Variants in KCTD9 observed in about 807,000 individuals in gnomAD.
KCTD9 encodes potassium channel tetramerization domain containing 9.
In KCTD9, 17 loss-of-function variants were observed where a neutral mutation model predicts 53.3. That is an observed-to-expected ratio of 0.32 (90% confidence interval 0.22 to 0.48). KCTD9 has a LOEUF of 0.48. Ranked by LOEUF, KCTD9 falls within the 20% of genes least tolerant of loss-of-function variation. KCTD9 has a pLI of 0.99. For synonymous variants in KCTD9, 128 were observed against 162.7 expected (o/e 0.79, Z 1.62); for missense variants, 179 against 465.5 (o/e 0.38, Z 5.66).
chr8:25,458,160 C>A (rs1238409854), intron 1 of KCTD9, 39 bp downstream of exon 1: 1 of 1,531,680 alleles, frequency 6.5e-7, no homozygotes, highest in Non-Finnish European at 8.9e-7. Context: ...GCCCTCGCCC[C>A]GACCCCCGGC....
chr8:25,443,497 T>C (rs1387072324), intron 3 of KCTD9, among the ~76,000 whole-genome samples: 1 of 152,176 alleles, frequency 6.6e-6, no homozygotes, highest in East Asian at 1.9e-4. Context: ...GATCATTTTT[T>C]ATTGTGTTTG....
chr8:25,446,654 G>A (rs1802219391), intron 1 of KCTD9, among the ~76,000 whole-genome samples: 1 of 152,210 alleles, frequency 6.6e-6, no homozygotes, highest in African/African-American at 2.4e-5. Flanking sequence ...ATTATGAAAT[G>A]AGTTCATGCA....
chr8:25,437,975 C>G (rs559837303), intron 6 of KCTD9, among the ~76,000 whole-genome samples: 1 of 151,350 alleles, frequency 6.6e-6, no homozygotes, highest in East Asian at 1.9e-4. Flanking sequence ...CTTGGGGCAA[C>G]CTGTAGGCAA....
intron 1 of KCTD9, among the ~76,000 whole-genome samples, chr8:25,455,995 AATGCATAGC>A (rs1802426403): frequency 1.3e-5 from 2 of 152,184 alleles, no homozygotes; most frequent in Admixed American, 1.3e-4. Flanking sequence ...CAGTTTAGAG[AATGCATAGC>A]CCTCTCTCCA....
intron 1 of KCTD9, among the ~76,000 whole-genome samples, chr8:25,453,157 GA>G (rs1353415124): frequency 6.6e-6 from 1 of 151,958 alleles, no homozygotes; most frequent in Non-Finnish European, 1.5e-5. Flanking sequence ...GGTCAGCCGA[GA>G]CCAGCCTGAC....
Position 25,446,148 on chromosome 8 carries a change from C to T in KCTD9, c.151G>A (p.Asp51Asn). The T allele has an allele frequency of 6.2e-7, 1 of 1,613,820 alleles. No individual in the cohort carries two copies. Among genetic ancestry groups the T allele is most frequent in the Non-Finnish European group, 8.5e-7 (1 of 1,179,828 alleles). Residue 51 changes from aspartate (D) to asparagine (N), a missense_variant, in exon 2 of 12, where the codon GAT (aspartate) becomes AAT (asparagine). Asp to Asn is a conservative substitution (Grantham distance 23). Coordinates refer to ENST00000221200, the MANE Select transcript of KCTD9 (RefSeq NM_017634.4). ...GGTTACCTGATCAAAGCAATATCAT[C>T]AATCAGTCCACCTTTCCCATTATAC... ...SVYNGKGGLI[D>N]DIALIRDDDV... is the part of the protein sequence containing the mutation.
At position 25,429,283 on chromosome 8, in the gene KCTD9, T is replaced by A. The variant is rs1801888088; in HGVS notation, c.*574A>T. 6.5e-6 allele frequency: 1 copy of A among 152,792 alleles called. No individual in the cohort carries two copies. Among genetic ancestry groups the A allele is most frequent in the South Asian group, 2.1e-4 (1 of 4,838 alleles). 9.5% of individuals were successfully genotyped at this position (152,792 alleles called of 1,614,324 possible). A position where few individuals can be genotyped will look rare whatever the true frequency, so the allele number is the denominator to read the frequency against. On this transcript the variant is annotated 3_prime_UTR_variant, in exon 12 of 12. Transcript: ENST00000221200. ...GTTCTGTCCTAAAAAGTAAACATTA[T>A]AAAAATGAACCTGAAAAGAGTCTTA...
At chr8:25,449,037 G>C (rs1802269291) in intron 1 of KCTD9, among the ~76,000 whole-genome samples, 2 of 152,300 alleles carry the variant, frequency 1.3e-5, no homozygotes, top group African/African-American at 4.8e-5. Context: ...CTGGGACAAA[G>C]CGAAGCGAAA....
chr8:25,438,981 A>G (rs987599881), intron 6 of KCTD9, among the ~76,000 whole-genome samples: 2 of 152,372 alleles, frequency 1.3e-5, no homozygotes, highest in Admixed American at 1.3e-4. Context: ...AAAATCCTTT[A>G]AAGTCACTTG....
chr8:25,442,264 T>A, intron 3 of KCTD9, among the ~76,000 whole-genome samples: 1 of 152,234 alleles, frequency 6.6e-6, no homozygotes, highest in East Asian at 1.9e-4. Flanking sequence ...TCTACTAAAA[T>A]TACTGTACTT....
At chr8:25,449,460 G>C (rs549995351) in intron 1 of KCTD9, among the ~76,000 whole-genome samples, 19 of 152,210 alleles carry the variant, frequency 1.2e-4, no homozygotes, top group Middle Eastern at 3.4e-3. Flanking sequence ...CCTGTATTAT[G>C]CTTAATACTT....
Position 25,458,374 on chromosome 8 carries a change from C to A in KCTD9, c.-128G>T. 2 of 1,036,224 alleles carry A rather than the reference C, an allele frequency of 1.9e-6. No individual in the cohort carries two copies. Among genetic ancestry groups the A allele is most frequent in the Non-Finnish European group, 2.9e-6 (2 of 683,938 alleles). 64.2% of individuals were successfully genotyped at this position (1,036,224 alleles called of 1,614,324 possible). On this transcript the variant is annotated 5_prime_UTR_variant, in exon 1 of 12. Coordinates refer to ENST00000221200, the MANE Select transcript of KCTD9 (RefSeq NM_017634.4). ...TTCGCCTCCCTTCGCCACCTTCCTG[C>A]CCTTGGGGACACACCACACGCACGC...
In KCTD9 at chr8:25,436,349, A is replaced by G. The variant is rs1323303913; in HGVS notation, c.568-19T>C. 2.5e-5 allele frequency: 40 copies of G among 1,597,900 alleles called. No homozygotes were observed. Among genetic ancestry groups the G allele is most frequent in the Non-Finnish European group, 3.3e-5 (38 of 1,165,672 alleles). On this transcript the variant is annotated intron_variant, in intron 7 of 11. Transcript: ENST00000221200. The stretch of plus-strand genomic sequence containing the variant: ...GAGAATTCTTAAAAAAGACATTAAG[A>G]AATTAGTGGAGTCTTTTGGGAGATA...
intron 1 of KCTD9, among the ~76,000 whole-genome samples, chr8:25,449,299 C>T (rs1362458070): frequency 2.0e-5 from 3 of 152,226 alleles, no homozygotes; most frequent in East Asian, 1.9e-4. Flanking sequence ...CTTTCTTTTC[C>T]CTCTTATTTA....
chr8:25,456,955 A>C (rs1184572037), intron 1 of KCTD9, among the ~76,000 whole-genome samples: 1 of 152,234 alleles, frequency 6.6e-6, no homozygotes, highest in Non-Finnish European at 1.5e-5. Flanking sequence ...AACAGGTAGT[A>C]GCTAAGTACA....
chr8:25,449,977 C>G (rs879307194), intron 1 of KCTD9, among the ~76,000 whole-genome samples: 1 of 152,102 alleles, frequency 6.6e-6, no homozygotes, highest in Non-Finnish European at 1.5e-5. Flanking sequence ...CTGTTTCTTC[C>G]CCACTGAAGT....
intron 1 of KCTD9, chr8:25,451,339 G>T (rs1000969149): frequency 6.6e-6 from 1 of 152,114 alleles, no homozygotes; most frequent in African/African-American, 2.4e-5. Flanking sequence ...TAACTCTTTT[G>T]AGAAAGAGGA....
At chr8:25,432,720 A>T in intron 10 of KCTD9, 83 bp from the exon 11 acceptor site, 4 of 1,245,720 alleles carry the variant, frequency 3.2e-6, no homozygotes, top group Non-Finnish European at 4.5e-6. Flanking sequence ...GACTTAATGG[A>T]GGCCTCTTTT....
chr8:25,454,966 C>A (rs1035534607), intron 1 of KCTD9, among the ~76,000 whole-genome samples: 1 of 152,198 alleles, frequency 6.6e-6, no homozygotes, highest in Non-Finnish European at 1.5e-5. Flanking sequence ...TGGCTCACGC[C>A]TGTAATCCTA....
Sources: allele counts gnomAD v4.1 joint callset (sites outside exome capture counted in the v4.1 genomes callset), GRCh38; gene constraint gnomAD v4.1.1; transcripts MANE v1.5; gene names NCBI Gene and HGNC (gene_info 2026-07-23, HGNC 2026-07-21).